The following SLC25A29 variants were observed in gnomAD, a reference collection of about 807,000 sequenced individuals.
The protein encoded by SLC25A29 is mitochondrial basic amino acids transporter.
Under a neutral mutation model 10.0 loss-of-function variants are expected in SLC25A29, and 13 were observed. That is an observed-to-expected ratio of 1.30 (90% confidence interval 0.85 to 2.07). The LOEUF is 2.07. Ranked by LOEUF, SLC25A29 falls within the 30% of genes most tolerant of loss-of-function variation. The pLI, the probability that SLC25A29 is intolerant of heterozygous loss-of-function variation, is 0.00. For missense variants in SLC25A29, 475 were observed against 447.6 expected, an observed-to-expected ratio of 1.06 and a Z score of -0.55; for synonymous variants, 244 against 221.1, an observed-to-expected ratio of 1.10 and a Z score of -0.92.
At position 100,291,890 on chromosome 14, in the gene SLC25A29, G is replaced by T. The variant is rs561473012; in HGVS notation, c.*393C>A. On this transcript the variant is annotated 3_prime_UTR_variant, in exon 4 of 4. Transcript: ENST00000359232. ...TTAGAGGTCCCTGGGTGGCCCCTTG[G>T]TTGGCCATCAGAGACCCCCGGGAGC... The T allele has an allele frequency of 1.2e-4, 33 of 282,134 alleles. No individual in the cohort carries two copies. The highest frequency in any genetic ancestry group is 2.1e-4 in the Non-Finnish European group (31 of 147,496). 17.5% of individuals were successfully genotyped at this position (282,134 alleles called of 1,614,324 possible). A position where few individuals can be genotyped will look rare whatever the true frequency, so the allele number is the denominator to read the frequency against.
chr14:100,300,392 T>C (rs1252358426), intron 1 of SLC25A29, among the ~76,000 whole-genome samples: 5 of 152,232 alleles, frequency 3.3e-5, no homozygotes, highest in Non-Finnish European at 7.3e-5. Context: ...TTTGGTGTTT[T>C]TGTTTTTTGA....
chr14:100,291,957 A>C lies in SLC25A29; in HGVS notation c.*326T>G. 1 of 364,302 alleles carries C rather than the reference A, an allele frequency of 2.7e-6. No individual in the cohort carries two copies. The highest frequency in any genetic ancestry group is 5.1e-6 in the Non-Finnish European group (1 of 197,374). The allele number at this position is 364,302 out of a possible 1,614,324, so 22.6% of individuals were successfully genotyped here. ...AGCACAATGACGTGGCCAGGATCCC[A>C]GAAAGGGGCTGGAGTGTCTGCCTCA... On this transcript the variant is annotated 3_prime_UTR_variant, in exon 4 of 4. Coordinates refer to ENST00000359232, the MANE Select transcript of SLC25A29 (RefSeq NM_001039355.3).
intron 1 of SLC25A29, among the ~76,000 whole-genome samples, chr14:100,304,174 T>C (rs1285303851): frequency 1.3e-5 from 2 of 152,052 alleles, no homozygotes; most frequent in South Asian, 4.2e-4. Flanking sequence ...AGCCTGTAGG[T>C]TGGGGGCACC....
chr14:100,299,854 T>G (rs1331950463), intron 1 of SLC25A29: 1 of 985,504 alleles, frequency 1.0e-6, no homozygotes, highest in Non-Finnish European at 1.2e-6. Context: ...AGCTGGCATC[T>G]GCTGAGTAAC....
chr14:100,306,064 A>C (rs1892922110), intron 1 of SLC25A29, 135 bp downstream of exon 1: 2 of 570,156 alleles, frequency 3.5e-6, no homozygotes, highest in Non-Finnish European at 5.5e-6. Flanking sequence ...CGCCCGAGGC[A>C]AGAGAACTGT....
downstream of SLC25A29, among the ~76,000 whole-genome samples, chr14:100,288,382 C>CAAAAAA (rs541814439): frequency 1.7e-3 from 109 of 63,482 alleles, 2 homozygotes; most frequent in East Asian, 2.3e-3. Context: ...AACTCTATCT[C>CAAAAAA]AAAAAAAAAA....
downstream of SLC25A29, among the ~76,000 whole-genome samples, chr14:100,289,642 A>C (rs1348174858): frequency 6.6e-6 from 1 of 152,062 alleles, no homozygotes; most frequent in Non-Finnish European, 1.5e-5. Flanking sequence ...CAGGAGTTTG[A>C]GACCAGCCTG....
intron 1 of SLC25A29, among the ~76,000 whole-genome samples, chr14:100,303,628 C>G (rs970620388): frequency 5.9e-5 from 9 of 152,340 alleles, no homozygotes; most frequent in African/African-American, 1.4e-4. Context: ...GGGCCGGCCT[C>G]CATTGGAGGA....
chr14:100,302,218 G>T (rs1467600903), intron 1 of SLC25A29, among the ~76,000 whole-genome samples: 2 of 151,270 alleles, frequency 1.3e-5, no homozygotes, highest in Admixed American at 1.3e-4. Flanking sequence ...GCTAATTTTT[G>T]TATTTTTAGT....
chr14:100,306,355 G>A lies in SLC25A29; in HGVS notation c.-123C>T. ...GGGCTGGGCCTGGCCGCTCCTCCTG[G>A]CGCGGAGCCCGGGCAGGCGCGGTCA... On this transcript the variant is annotated 5_prime_UTR_variant, in exon 1 of 4. Coordinates refer to ENST00000359232, the MANE Select transcript of SLC25A29 (RefSeq NM_001039355.3). The A allele has an allele frequency of 9.8e-7, 1 of 1,018,174 alleles. No individual in the cohort carries two copies. Among genetic ancestry groups the A allele is most frequent in the Non-Finnish European group, 1.3e-6 (1 of 794,646 alleles). 63.1% of individuals were successfully genotyped at this position (1,018,174 alleles called of 1,614,324 possible).
chr14:100,293,397 TGA>T lies in SLC25A29; in HGVS notation c.79-22_79-21del, dbSNP rs775305303. On this transcript the variant is annotated intron_variant, in intron 2 of 3. Coordinates refer to ENST00000359232, the MANE Select transcript of SLC25A29 (RefSeq NM_001039355.3). ...CCGTACCTGGAAGGAGAGGGTCCAG[TGA>T]GAGGCAGGCAGGCAGGACCAGAGCA... The T allele has an allele frequency of 8.7e-6, 14 of 1,610,064 alleles. No individual in the cohort carries two copies. Among genetic ancestry groups the T allele is most frequent in the Non-Finnish European group, 1.1e-5 (13 of 1,178,186 alleles).
At chr14:100,285,460 CCGCTGTGGGGAGGGGCTG>C in the SLC25A29 span, among the ~76,000 whole-genome samples, 4 of 151,636 alleles carry the variant, frequency 2.6e-5, no homozygotes, top group African/African-American at 9.7e-5. Context: ...TGGGCCGCGT[CCGCTGTGGGGAGGGGCTG>C]CGCGTGCGCA....
the SLC25A29 span, chr14:100,279,477 T>A: frequency 1.3e-5 from 2 of 152,200 alleles, no homozygotes; most frequent in African/African-American, 4.8e-5. Flanking sequence ...CTTTAAAAAA[T>A]TCATCCAGAA....
At chr14:100,302,058 T>C (rs553139051) in intron 1 of SLC25A29, among the ~76,000 whole-genome samples, 97 of 151,996 alleles carry the variant, frequency 6.4e-4, no homozygotes, top group African/African-American at 2.2e-3. Flanking sequence ...TTCTTTTTTT[T>C]TTTTTGAGAC....
chr14:100,293,305 T>G lies in SLC25A29; in HGVS notation c.151A>C (p.Lys51Gln), dbSNP rs142710949. 2.8e-4 allele frequency: 455 copies of G among 1,613,162 alleles called. 3 individuals carry two copies. Among genetic ancestry groups the G allele is most frequent in the Non-Finnish European group, 3.7e-5 (44 of 1,179,982 alleles). The change falls in exon 3 of 4, where the codon AAG (lysine) becomes CAG (glutamine). Residue 51 changes from lysine (K) to glutamine (Q), a missense_variant. Lys to Gln is a moderately conservative substitution (Grantham distance 53, BLOSUM62 1). Transcript: ENST00000359232. ...GTLHCFKSII[K>Q]QESVLGLYKG... Reference sequence around the variant, plus strand: ...CCCAGGCCACTCACGCTCTCTTGCTTGATGATGGACTTGAAGCAGTGCAAC... The same window carrying G: ...CCCAGGCCACTCACGCTCTCTTGCTGGATGATGGACTTGAAGCAGTGCAAC...
the SLC25A29 span, chr14:100,280,602 C>A: frequency 1.3e-5 from 2 of 151,926 alleles, no homozygotes; most frequent in African/African-American, 4.8e-5. Context: ...TGAGGAAAAT[C>A]GGGATTTTTT....
At chr14:100,305,156 ACT>A (rs1555374594) in intron 1 of SLC25A29, 2 of 150,966 alleles carry the variant, frequency 1.3e-5, no homozygotes, top group Non-Finnish European at 1.5e-5. Context: ...TCCCCAACAC[ACT>A]CCCTTTTCAA....
the SLC25A29 span, among the ~76,000 whole-genome samples, chr14:100,283,602 C>G: frequency 6.6e-6 from 1 of 151,402 alleles, no homozygotes; most frequent in Admixed American, 6.6e-5. Flanking sequence ...TCTCCTGCCT[C>G]AGCTTCCTGA....
At chr14:100,283,489 T>C in the SLC25A29 span, among the ~76,000 whole-genome samples, 1 of 151,568 alleles carries the variant, frequency 6.6e-6, no homozygotes, top group Non-Finnish European at 1.5e-5. Context: ...ATTGCTTTTT[T>C]TTTTTTTTTT....
Sources: allele counts gnomAD v4.1 joint callset (sites outside exome capture counted in the v4.1 genomes callset), GRCh38; gene constraint gnomAD v4.1.1; transcripts MANE v1.5; gene names NCBI Gene and HGNC (gene_info 2026-07-23, HGNC 2026-07-21).